Variants in CTTNBP2 observed in about 807,000 individuals in gnomAD.
CTTNBP2 encodes cortactin binding protein 2.
A neutral mutation model predicts 156.9 loss-of-function variants in CTTNBP2; 108 were observed. The ratio of observed to expected loss-of-function variants is 0.69; its 90% CI spans 0.59 to 0.81. CTTNBP2 has a LOEUF of 0.81. CTTNBP2 is among the 30% of genes least tolerant of loss of function. CTTNBP2 has a pLI of 0.00. For missense variants in CTTNBP2, 1,924 were observed against 2,035.4 expected (o/e 0.95, Z 1.05); for synonymous variants, 767 against 751.8 (o/e 1.02, Z -0.33).
intron 7 of CTTNBP2, among the ~76,000 whole-genome samples, chr7:117,779,729 CAT>C (rs145722031): frequency 5.8e-4 from 86 of 147,348 alleles, no homozygotes; most frequent in Middle Eastern, 3.6e-3. Flanking sequence ...TACATCTCTG[CAT>C]ATATATATAT....
At chr7:117,817,079 T>C (rs1445124137) in intron 2 of CTTNBP2, among the ~76,000 whole-genome samples, 3 of 151,774 alleles carry the variant, frequency 2.0e-5, no homozygotes, top group Non-Finnish European at 4.4e-5. Context: ...GGCTCACACC[T>C]GTAATCCGAG....
chr7:117,793,352 A>C (rs1799140692), intron 3 of CTTNBP2: 5 of 152,244 alleles, frequency 3.3e-5, no homozygotes, highest in Admixed American at 3.3e-4. Flanking sequence ...TGAAAACTCT[A>C]AAGAGCTAAA....
intron 8 of CTTNBP2, among the ~76,000 whole-genome samples, chr7:117,767,570 CT>C (rs1360065270): frequency 6.6e-6 from 1 of 152,184 alleles, no homozygotes; most frequent in Non-Finnish European, 1.5e-5. Flanking sequence ...ATGTACTTTG[CT>C]GTCTTCTAGA....
At chr7:117,779,747 A>T (rs183401166) in intron 7 of CTTNBP2, among the ~76,000 whole-genome samples, 151 of 150,744 alleles carry the variant, frequency 1.0e-3, no homozygotes, top group African/African-American at 2.9e-3. Flanking sequence ...TATATATATA[A>T]AATACATATG....
chr7:117,872,698 C>G (rs1311985185), intron 1 of CTTNBP2, among the ~76,000 whole-genome samples: 2 of 152,204 alleles, frequency 1.3e-5, no homozygotes, highest in South Asian at 4.1e-4. Context: ...ATCCACCCCA[C>G]CCCAATCACT....
At chr7:117,783,391 A>C (rs892846822) in intron 5 of CTTNBP2, among the ~76,000 whole-genome samples, 9 of 152,216 alleles carry the variant, frequency 5.9e-5, no homozygotes, top group African/African-American at 9.6e-5. Flanking sequence ...TTACTTTATG[A>C]TGTTTAATTT....
chr7:117,759,262 C>T (rs76607522), intron 10 of CTTNBP2, among the ~76,000 whole-genome samples: 2,424 of 151,972 alleles, frequency 0.016, 81 homozygotes, highest in African/African-American at 0.056. Context: ...TGCATGTGAC[C>T]GCACCCACCT....
At chr7:117,715,820 G>T (rs1417364839) in intron 22 of CTTNBP2, 4 of 152,194 alleles carry the variant, frequency 2.6e-5, no homozygotes, top group African/African-American at 9.6e-5. Context: ...CCATGAAGGA[G>T]AAAGTGATTT....
chr7:117,811,885 TAA>T, intron 2 of CTTNBP2, among the ~76,000 whole-genome samples: 1 of 127,922 alleles, frequency 7.8e-6, no homozygotes, highest in African/African-American at 3.4e-5. Flanking sequence ...ATTAAAATTT[TAA>T]TGTAAAAATT....
At chr7:117,811,769 G>A (rs1800292272) in intron 2 of CTTNBP2, among the ~76,000 whole-genome samples, 1 of 150,932 alleles carries the variant, frequency 6.6e-6, no homozygotes, top group Admixed American at 6.6e-5. Flanking sequence ...GAAATCACAT[G>A]GATGTCTGGT....
At chr7:117,826,217 T>C (rs1344936768) in intron 2 of CTTNBP2, among the ~76,000 whole-genome samples, 1 of 152,044 alleles carries the variant, frequency 6.6e-6, no homozygotes, top group East Asian at 1.9e-4. Flanking sequence ...AGGATGAAAA[T>C]GAACTCACCA....
At chr7:117,845,405 T>C (rs1395879199) in intron 2 of CTTNBP2, among the ~76,000 whole-genome samples, 3 of 152,228 alleles carry the variant, frequency 2.0e-5, no homozygotes, top group Non-Finnish European at 4.4e-5. Context: ...CTGTATTATA[T>C]GTGTTCATTA....
intron 3 of CTTNBP2, among the ~76,000 whole-genome samples, chr7:117,810,026 CT>C (rs1400276490): frequency 1.3e-4 from 20 of 151,988 alleles, no homozygotes; most frequent in African/African-American, 4.3e-4. Context: ...TTTCTATTTA[CT>C]TATTTCCTTA....
At position 117,733,635 on chromosome 7, in the gene CTTNBP2, T is replaced by C. The variant is rs117019363; in HGVS notation, c.3876+1278A>G. On this transcript the variant is annotated intron_variant, in intron 16 of 22. Coordinates refer to ENST00000160373, the MANE Select transcript of CTTNBP2 (RefSeq NM_033427.3). ...CTAGGCTTTGGCCAAAAGCATAATA[T>C]TTATGACCAAGTAACTGATTTAAAT... Among the ~76,000 whole-genome samples, 100 of 152,322 alleles carry C rather than the reference T, an allele frequency of 6.6e-4. 1 individual carries two copies. In the East Asian group the frequency reaches 0.015, roughly 23 times the overall value.
chr7:117,779,181 G>A (rs35978265), intron 7 of CTTNBP2, among the ~76,000 whole-genome samples: 4,152 of 152,152 alleles, frequency 0.027, 186 homozygotes, highest in African/African-American at 0.094. Flanking sequence ...ACTGGGTTGT[G>A]GACACCTTTA....
chr7:117,807,450 A>T (rs7806235), intron 3 of CTTNBP2, among the ~76,000 whole-genome samples: 86,146 of 152,046 alleles, frequency 0.57, 25,875 homozygotes, highest in East Asian at 0.97. Flanking sequence ...GAAATCAAGG[A>T]AACAAAACAA....
At chr7:117,759,858 A>G (rs1797095319) in intron 10 of CTTNBP2, among the ~76,000 whole-genome samples, 1 of 152,242 alleles carries the variant, frequency 6.6e-6, no homozygotes, top group Non-Finnish European at 1.5e-5. Flanking sequence ...AGGGACACCT[A>G]ATATTTACAG....
chr7:117,729,075 T>C (rs1227627668), intron 16 of CTTNBP2, among the ~76,000 whole-genome samples: 1 of 152,222 alleles, frequency 6.6e-6, no homozygotes, highest in Non-Finnish European at 1.5e-5. Context: ...GCTCTCATTG[T>C]AACTCGGTCC....
chr7:117,760,625 T>C lies in CTTNBP2; in HGVS notation c.2982A>G (p.Thr994=). 6.2e-7 allele frequency: 1 copy of C among 1,614,092 alleles called. No homozygotes were observed. Among genetic ancestry groups the C allele is most frequent in the Non-Finnish European group, 8.5e-7 (1 of 1,179,970 alleles). Reference sequence around the variant, plus strand: ...GTTTGCGGATATTTAAAGCACATATTGTGTTTTCACATTCCAAGTCATCAG... The same window carrying C: ...GTTTGCGGATATTTAAAGCACATATCGTGTTTTCACATTCCAAGTCATCAG... ...YGSDDLECEN[T]ICALNIRKQT... is the part of the protein sequence containing the mutation. Residue 994 remains threonine (T), a synonymous_variant, in exon 10 of 23, where the codon ACA becomes ACG. Coordinates refer to ENST00000160373, the MANE Select transcript of CTTNBP2 (RefSeq NM_033427.3).
Sources: allele counts gnomAD v4.1 joint callset (sites outside exome capture counted in the v4.1 genomes callset), GRCh38; gene constraint gnomAD v4.1.1; transcripts MANE v1.5; gene names NCBI Gene and HGNC (gene_info 2026-07-23, HGNC 2026-07-21).